The following MBNL2 variants were observed in gnomAD, a reference collection of about 807,000 sequenced individuals.
MBNL2 encodes muscleblind like splicing regulator 2.
A neutral mutation model predicts 41.9 loss-of-function variants in MBNL2; 17 were observed. That is an observed-to-expected ratio of 0.41 (90% confidence interval 0.28 to 0.61). MBNL2 has a LOEUF of 0.61. Among genes scored for constraint, MBNL2 ranks in the 20% least tolerant of loss-of-function variants. The probability of loss-of-function intolerance (pLI) is 0.35; values close to 1 mark genes in which losing one functional copy is unlikely to be tolerated. For missense variants in MBNL2, 336 were observed against 505.6 expected, an observed-to-expected ratio of 0.66 and a Z score of 3.22; for synonymous variants, 195 against 182.9, an observed-to-expected ratio of 1.07 and a Z score of -0.53.
chr13:97,376,888 G>T (rs983654149), intron 8 of MBNL2, among the ~76,000 whole-genome samples: 1 of 152,290 alleles, frequency 6.6e-6, no homozygotes, highest in East Asian at 1.9e-4. Flanking sequence ...GGGCAAAGTG[G>T]CTTACCCAAT....
the MBNL2 span, among the ~76,000 whole-genome samples, chr13:97,199,651 C>G: frequency 6.6e-6 from 1 of 152,200 alleles, no homozygotes; most frequent in East Asian, 1.9e-4. Context: ...CCTGGGAAGC[C>G]TCTGATCCGT....
At chr13:97,376,514 C>A (rs78781210) in intron 8 of MBNL2, among the ~76,000 whole-genome samples, 1 of 152,308 alleles carries the variant, frequency 6.6e-6, no homozygotes, top group East Asian at 1.9e-4. Context: ...AGCTTTTGGT[C>A]TCTTTGTTTT....
chr13:97,374,639 C>T (rs1228787283), intron 8 of MBNL2, among the ~76,000 whole-genome samples: 19 of 152,112 alleles, frequency 1.2e-4, no homozygotes, highest in Admixed American at 1.2e-3. Context: ...GATCCACCCA[C>T]CTCGGCCTCC....
the MBNL2 span, among the ~76,000 whole-genome samples, chr13:97,206,768 A>C: frequency 6.0e-4 from 91 of 152,298 alleles, no homozygotes; most frequent in Middle Eastern, 3.4e-3. Context: ...CAATGATAAC[A>C]GTGTAATATT....
intron 1 of MBNL2, among the ~76,000 whole-genome samples, chr13:97,242,949 G>A (rs2044617406): frequency 6.6e-6 from 1 of 152,150 alleles, no homozygotes; most frequent in Non-Finnish European, 1.5e-5. Flanking sequence ...GGCTCCGCAC[G>A]CGGCAGTCCC....
chr13:97,322,040 A>G (rs1484122993), intron 2 of MBNL2, among the ~76,000 whole-genome samples: 1 of 152,184 alleles, frequency 6.6e-6, no homozygotes, highest in Non-Finnish European at 1.5e-5. Context: ...TGCTATTTTT[A>G]TCGAGGGCAG....
At chr13:97,224,053 T>C (rs1261359942) in intron 1 of MBNL2, among the ~76,000 whole-genome samples, 1 of 152,242 alleles carries the variant, frequency 6.6e-6, no homozygotes, top group Non-Finnish European at 1.5e-5. Context: ...GGCATCTTCT[T>C]GTACCTGCCA....
At chr13:97,146,368 A>T in the MBNL2 span, among the ~76,000 whole-genome samples, 228 of 152,220 alleles carry the variant, frequency 1.5e-3, no homozygotes, top group African/African-American at 5.3e-3. Context: ...ACCCCACAAC[A>T]CTTCACTAAC....
chr13:97,158,865 A>G, the MBNL2 span, among the ~76,000 whole-genome samples: 4 of 151,848 alleles, frequency 2.6e-5, no homozygotes, highest in African/African-American at 9.7e-5. Context: ...AAAAAAATGT[A>G]TATTCTGTTG....
intron 1 of MBNL2, among the ~76,000 whole-genome samples, chr13:97,253,940 A>G (rs1036612366): frequency 6.6e-6 from 1 of 152,050 alleles, no homozygotes; most frequent in East Asian, 1.9e-4. Flanking sequence ...TCTGTTGCCC[A>G]GTACAGTGGC....
chr13:97,241,502 A>G (rs2044271167), intron 1 of MBNL2, among the ~76,000 whole-genome samples: 1 of 152,240 alleles, frequency 6.6e-6, no homozygotes, highest in Non-Finnish European at 1.5e-5. Flanking sequence ...TCCAAATCAA[A>G]GTATATCTAC....
In MBNL2 at chr13:97,341,346, T is replaced by C. The variant is rs796906178; in HGVS notation, c.340-1670T>C. Among the ~76,000 whole-genome samples the C allele has an allele frequency of 9.2e-5, 14 of 152,332 alleles. 1 individual carries two copies. Among genetic ancestry groups the C allele is most frequent in the African/African-American group, 3.4e-4 (14 of 41,594 alleles). Reference sequence around the variant, plus strand: ...TGCTGTGATTTATGACCTTTCAGAATTGATTCTTTTTAAAAATCCTAACAT... The same window carrying C: ...TGCTGTGATTTATGACCTTTCAGAACTGATTCTTTTTAAAAATCCTAACAT... On this transcript the variant is annotated intron_variant, in intron 3 of 8. Coordinates refer to ENST00000679496, the MANE Select transcript of MBNL2 (RefSeq NM_001382683.1).
rs76371012 is a variant in MBNL2, at chr13:97,256,753, T to C, written c.-604-18879T>C. Among the ~76,000 whole-genome samples the C allele has an allele frequency of 8.1e-3, 1,233 of 152,330 alleles. 15 individuals carry two copies. Among genetic ancestry groups the C allele is most frequent in the African/African-American group, 0.028 (1,183 of 41,572 alleles). On this transcript the variant is annotated intron_variant, in intron 1 of 8. Transcript: ENST00000679496. Reference sequence around the variant, plus strand: ...GAGGAAACTGAAGTTTTGAGTTCATTGGCTTGCCCGAGGGTATAGGGTTGT... The same window carrying C: ...GAGGAAACTGAAGTTTTGAGTTCATCGGCTTGCCCGAGGGTATAGGGTTGT...
the MBNL2 span, among the ~76,000 whole-genome samples, chr13:97,188,508 C>G: frequency 6.6e-6 from 1 of 152,116 alleles, no homozygotes; most frequent in South Asian, 2.1e-4. Context: ...ATATGCATGC[C>G]TTTTCCTTAG....
chr13:97,187,747 A>G, the MBNL2 span, among the ~76,000 whole-genome samples: 2 of 151,904 alleles, frequency 1.3e-5, no homozygotes, highest in African/African-American at 4.8e-5. Flanking sequence ...CTCTACTAAA[A>G]ATACAAAAAA....
chr13:97,335,651 C>G (rs1462616719), intron 3 of MBNL2, among the ~76,000 whole-genome samples: 2 of 152,018 alleles, frequency 1.3e-5, no homozygotes, highest in Non-Finnish European at 1.5e-5. Context: ...GATAGACAGA[C>G]ACAAGAAAAG....
At chr13:97,162,197 A>C in the MBNL2 span, among the ~76,000 whole-genome samples, 1 of 152,112 alleles carries the variant, frequency 6.6e-6, no homozygotes, top group Non-Finnish European at 1.5e-5. Context: ...CTAAGAGTCA[A>C]TCACCTCCCA....
At chr13:97,210,011 G>C in the MBNL2 span, among the ~76,000 whole-genome samples, 3 of 152,156 alleles carry the variant, frequency 2.0e-5, no homozygotes, top group Non-Finnish European at 4.4e-5. Context: ...GGCCAGGCTG[G>C]TCTCAAACTC....
the MBNL2 span, among the ~76,000 whole-genome samples, chr13:97,145,546 A>T: frequency 6.6e-6 from 1 of 152,226 alleles, no homozygotes; most frequent in African/African-American, 2.4e-5. Flanking sequence ...ATATGAAGTG[A>T]GGGCATGGGC....
Sources: allele counts gnomAD v4.1 joint callset (sites outside exome capture counted in the v4.1 genomes callset), GRCh38; gene constraint gnomAD v4.1.1; transcripts MANE v1.5; gene names NCBI Gene and HGNC (gene_info 2026-07-23, HGNC 2026-07-21).